The following KIF5A variants were observed in gnomAD, a reference collection of about 807,000 sequenced individuals.
KIF5A encodes the protein kinesin heavy chain isoform 5A.
In KIF5A, 35 loss-of-function variants were observed where a neutral mutation model predicts 141.3. The ratio of observed to expected loss-of-function variants is 0.25; its 90% CI spans 0.19 to 0.33. KIF5A has a LOEUF of 0.33. Ranked by LOEUF, KIF5A falls within the 10% of genes least tolerant of loss-of-function variation. The pLI, the probability that KIF5A is intolerant of heterozygous loss-of-function variation, is 1.00. For missense variants in KIF5A, 861 were observed against 1,314.3 expected, an observed-to-expected ratio of 0.66 and a Z score of 5.33; for synonymous variants, 448 against 500.2, an observed-to-expected ratio of 0.90 and a Z score of 1.39.
At chr12:57,567,795 G>C (rs1882113943) in intron 8 of KIF5A, among the ~76,000 whole-genome samples, 177 bp downstream of exon 8, 1 of 151,750 alleles carries the variant, frequency 6.6e-6, no homozygotes. Flanking sequence ...CAAGTAGCTG[G>C]GATTACAGGT....
chr12:57,581,634 T>C, intron 25 of KIF5A, 66 bp downstream of exon 25: 1 of 1,560,580 alleles, frequency 6.4e-7, no homozygotes, highest in Non-Finnish European at 8.8e-7. Flanking sequence ...AGGCATAGGG[T>C]GGGGGCAGTT....
Position 57,586,029 on chromosome 12 carries a change from T to C in KIF5A, c.*1848T>C, listed in dbSNP as rs1882750560. ...CAGTCCTAAGAGACCCTGAGGATTC[T>C]GTGGAGTAGTTTGAAAACCATTGTT... On this transcript the variant is annotated 3_prime_UTR_variant, in exon 29 of 29. Transcript: ENST00000455537. The C allele has an allele frequency of 1.3e-5, 2 of 151,606 alleles. No homozygotes were observed. The highest frequency in any genetic ancestry group is 1.3e-4 in the Admixed American group (2 of 15,204). The allele number at this position is 151,606 out of a possible 1,614,324, so 9.4% of individuals were successfully genotyped here. A position where few individuals can be genotyped will look rare whatever the true frequency, so the allele number is the denominator to read the frequency against.
intron 19 of KIF5A, 109 bp from the exon 20 acceptor site, chr12:57,576,652 C>A: frequency 1.2e-6 from 1 of 844,842 alleles, no homozygotes; most frequent in African/African-American, 1.7e-5. Flanking sequence ...CACATCAATT[C>A]TAACTGGACT....
At chr12:57,564,784 G>T (rs1882012847) in intron 5 of KIF5A, 134 bp from the exon 6 acceptor site, 1 of 875,114 alleles carries the variant, frequency 1.1e-6, no homozygotes, top group African/African-American at 1.7e-5. Flanking sequence ...TTCAGCTCGT[G>T]CAGGGAGTTT....
At position 57,564,956 on chromosome 12, in the gene KIF5A, C is replaced by A; in HGVS notation, c.484C>A (p.Arg162=). The A allele has an allele frequency of 6.2e-7, 1 of 1,614,126 alleles. No individual in the cohort carries two copies. The highest frequency in any genetic ancestry group is 1.1e-5 in the South Asian group (1 of 91,080). The change falls in exon 6 of 29, where the codon CGG becomes AGG. Residue 162 remains arginine, a synonymous_variant. Transcript: ENST00000455537. ...TCTGTCCGTGCACGAGGACAAGAAC[C>A]GGGTGCCATTTGTCAAGGTGAGAGT... The part of the protein sequence containing the change: ...TNLSVHEDKN[R]VPFVKGCTER...
At chr12:57,576,420 G>T in intron 19 of KIF5A, 42 bp downstream of exon 19, 1 of 1,470,394 alleles carries the variant, frequency 6.8e-7, no homozygotes, top group Non-Finnish European at 9.5e-7. Flanking sequence ...CCCGGGTCCT[G>T]TCACCTTGCT....
chr12:57,572,326 G>T lies in KIF5A; in HGVS notation c.1569+59G>T. On this transcript the variant is annotated intron_variant, in intron 14 of 28. Transcript: ENST00000455537. This position sits in a 1 kb window ranked among gnomAD's most constrained non-coding sequence, Gnocchi z 4.2. ...GACCACAGAACATCTCCCATGTCGA[G>T]GGGACCTCTGCATCCTTCCAGGGCT... The T allele has an allele frequency of 6.6e-7, 1 of 1,514,476 alleles. No homozygotes were observed. Among genetic ancestry groups the T allele is most frequent in the Non-Finnish European group, 9.0e-7 (1 of 1,113,224 alleles). The allele number at this position is 1,514,476 out of a possible 1,614,324, so 93.8% of individuals were successfully genotyped here.
rs780116027 is a variant in KIF5A at position 57,577,699 on chromosome 12, T to G, written c.2301-14T>G. On this transcript the variant is annotated splice_polypyrimidine_tract_variant and intron_variant, in intron 20 of 28. Coordinates refer to ENST00000455537, the MANE Select transcript of KIF5A (RefSeq NM_004984.4). Reference sequence around the variant, plus strand: ...TGAGGGATCTTTCCATTTCCCTTATTTCTCTTGCTACAGATTTCTGTACGA... The same window carrying G: ...TGAGGGATCTTTCCATTTCCCTTATGTCTCTTGCTACAGATTTCTGTACGA... 1 of 1,611,242 alleles carries G rather than the reference T, an allele frequency of 6.2e-7. No homozygotes were observed. The highest frequency in any genetic ancestry group is 2.2e-5 in the East Asian group (1 of 44,868).
intron 1 of KIF5A, among the ~76,000 whole-genome samples, chr12:57,554,367 A>G (rs1392343133): frequency 6.6e-6 from 1 of 152,232 alleles, no homozygotes; most frequent in Non-Finnish European, 1.5e-5. Flanking sequence ...GCTTTGTAAC[A>G]TGGCAGGCAC....
At chr12:57,582,774 C>A in intron 27 of KIF5A, 145 bp downstream of exon 27, 1 of 755,210 alleles carries the variant, frequency 1.3e-6, no homozygotes, top group Non-Finnish European at 2.4e-6. Context: ...CTGTGTTGTC[C>A]AGGAGATCCA....
intron 26 of KIF5A, 91 bp downstream of exon 26, chr12:57,582,043 C>T (rs1208750201): frequency 9.8e-6 from 10 of 1,021,774 alleles, no homozygotes; most frequent in Non-Finnish European, 7.7e-6. Flanking sequence ...ACAAAAAACA[C>T]TGACTGAACC....
Position 57,584,652 on chromosome 12 carries a change from T to C in KIF5A, c.*471T>C, listed in dbSNP as rs908393496. On this transcript the variant is annotated 3_prime_UTR_variant, in exon 29 of 29. Transcript: ENST00000455537. ...ACACGCATGCACACACACAAAGCCT[T>C]AAGCAGAAGAATGTCTTAGCATCAT... 1 of 152,648 alleles carries C rather than the reference T, an allele frequency of 6.6e-6. No individual in the cohort carries two copies. The highest frequency in any genetic ancestry group is 2.4e-5 in the African/African-American group (1 of 41,454). 9.5% of individuals were successfully genotyped at this position (152,648 alleles called of 1,614,324 possible). A position where few individuals can be genotyped will look rare whatever the true frequency, so the allele number is the denominator to read the frequency against.
chr12:57,554,915 A>T (rs1174372195), intron 1 of KIF5A, among the ~76,000 whole-genome samples: 1 of 152,182 alleles, frequency 6.6e-6, no homozygotes, highest in Non-Finnish European at 1.5e-5. Context: ...TGAGCCAAGC[A>T]CTTCCCACCA....
chr12:57,575,183 C>T lies in KIF5A; in HGVS notation c.1816C>T (p.Arg606Trp), dbSNP rs1348214633. 4.3e-6 allele frequency: 7 copies of T among 1,613,914 alleles called. No individual in the cohort carries two copies. The highest frequency in any genetic ancestry group is 3.3e-4 in the Middle Eastern group (2 of 6,060). ...AGTCAAGTCTGTGGTCAAGCGGTGC[C>T]GGCAGCTGGAGAACCTCCAGGTGGA... The part of the protein sequence containing the change: ...SEVKSVVKRC[R>W]QLENLQVECH... The change falls in exon 16 of 29, where the codon CGG (arginine) becomes TGG (tryptophan). Residue 606 changes from arginine (R) to tryptophan (W), a missense_variant. Physicochemically the swap from Arg to Trp is moderately radical, Grantham distance 101. Transcript: ENST00000455537.
At chr12:57,583,325 T>G (rs1311065404) in intron 28 of KIF5A, 110 bp downstream of exon 28, 1 of 687,450 alleles carries the variant, frequency 1.5e-6, no homozygotes, top group African/African-American at 1.8e-5. Context: ...CCTCAAAACT[T>G]TAATTATGTA....
At chr12:57,554,777 G>T (rs1211387579) in intron 1 of KIF5A, among the ~76,000 whole-genome samples, 1 of 152,110 alleles carries the variant, frequency 6.6e-6, no homozygotes, top group Non-Finnish European at 1.5e-5. Context: ...GGCGAGAGAG[G>T]GAAAAAGAGG....
At chr12:57,556,863 A>G (rs182909109) in intron 1 of KIF5A, among the ~76,000 whole-genome samples, 343 of 152,254 alleles carry the variant, frequency 2.3e-3, no homozygotes, top group African/African-American at 7.8e-3. Context: ...CTGCACTGGC[A>G]GTTGATTAAA....
intron 1 of KIF5A, among the ~76,000 whole-genome samples, chr12:57,551,622 C>T (rs1029429264): frequency 6.6e-6 from 1 of 152,046 alleles, no homozygotes; most frequent in Non-Finnish European, 1.5e-5. Context: ...GGGGCATGTA[C>T]GAGGGCAGTC....
intron 1 of KIF5A, among the ~76,000 whole-genome samples, chr12:57,559,892 T>C (rs983569254): frequency 3.3e-5 from 5 of 152,220 alleles, no homozygotes; most frequent in African/African-American, 4.8e-5. Context: ...ATTTTAATTT[T>C]ATTTATTTAT....
Sources: gnomAD v4.1 joint callset for allele counts (sites outside exome capture counted in the v4.1 genomes callset) on GRCh38, gnomAD v4.1.1 for gene constraint, Gnocchi (gnomAD v3.1) non-coding constraint, MANE v1.5 for transcripts, NCBI Gene and HGNC (gene_info 2026-07-23, HGNC 2026-07-21) for gene names.